The following MECOM variants were observed in gnomAD, a reference collection of about 807,000 sequenced individuals.
MECOM encodes MDS1 and EVI1 complex locus, also known as histone-lysine N-methyltransferase MECOM.
In MECOM, 13 loss-of-function variants were observed where a neutral mutation model predicts 116.3. That is an observed-to-expected ratio of 0.11 (90% CI 0.07 to 0.18). The LOEUF (loss-of-function observed/expected upper bound fraction) is 0.18. Among genes scored for constraint, MECOM ranks in the 10% least tolerant of loss-of-function variants. The pLI, the probability that MECOM is intolerant of heterozygous loss-of-function variation, is 1.00. For synonymous variants in MECOM, 528 were observed against 535.2 expected (o/e 0.99, Z 0.19); for missense variants, 1,299 against 1,509.0 (o/e 0.86, Z 2.31).
At chr3:169,263,361 C>G (rs1205563091) in intron 2 of MECOM, among the ~76,000 whole-genome samples, 1 of 151,494 alleles carries the variant, frequency 6.6e-6, no homozygotes, top group Non-Finnish European at 1.5e-5. Flanking sequence ...ATCTCCTGAC[C>G]TCATGATCTG....
chr3:169,487,128 C>G (rs1752476906), intron 1 of MECOM, among the ~76,000 whole-genome samples: 1 of 151,094 alleles, frequency 6.6e-6, no homozygotes, highest in Non-Finnish European at 1.5e-5. Flanking sequence ...TATTTTCAGA[C>G]AGACAAAGGT....
At chr3:169,194,351 T>C (rs1748126967) in intron 2 of MECOM, among the ~76,000 whole-genome samples, 1 of 151,916 alleles carries the variant, frequency 6.6e-6, no homozygotes, top group Non-Finnish European at 1.5e-5. Context: ...CATTAGGAGA[T>C]ATACCTAATG....
intron 2 of MECOM, among the ~76,000 whole-genome samples, chr3:169,199,653 A>G (rs1437297378): frequency 6.6e-6 from 1 of 152,070 alleles, no homozygotes; most frequent in African/African-American, 2.4e-5. Flanking sequence ...GAGTTACGTT[A>G]CACATGCACA....
At chr3:169,314,884 T>C (rs944087533) in intron 2 of MECOM, among the ~76,000 whole-genome samples, 4 of 152,200 alleles carry the variant, frequency 2.6e-5, no homozygotes, top group African/African-American at 9.7e-5. Context: ...TTTATAGTTA[T>C]CCCTTATTCT....
intron 2 of MECOM, among the ~76,000 whole-genome samples, chr3:169,246,527 CTTTT>C (rs11454849): frequency 7.6e-6 from 1 of 131,326 alleles, no homozygotes. Context: ...TACACATACA[CTTTT>C]TTTTTTTTTT....
intron 2 of MECOM, among the ~76,000 whole-genome samples, chr3:169,287,235 G>T (rs1480377219): frequency 1.3e-5 from 2 of 152,178 alleles, no homozygotes; most frequent in African/African-American, 2.4e-5. Context: ...GATGGAGAGG[G>T]CCTGAAAGAA....
At chr3:169,102,927 G>A (rs1454728673) in intron 10 of MECOM, among the ~76,000 whole-genome samples, 1 of 151,804 alleles carries the variant, frequency 6.6e-6, no homozygotes, top group Non-Finnish European at 1.5e-5. Context: ...CTTGGCATGT[G>A]CCTTGTAAGA....
At chr3:169,190,073 A>G (rs113588354) in intron 2 of MECOM, among the ~76,000 whole-genome samples, 2,236 of 152,176 alleles carry the variant, frequency 0.015, 64 homozygotes, top group African/African-American at 0.051. Flanking sequence ...AAATCATAAA[A>G]GAGATAAATA....
chr3:169,320,737 C>A (rs1453381572), intron 2 of MECOM, among the ~76,000 whole-genome samples: 2 of 152,108 alleles, frequency 1.3e-5, no homozygotes, highest in Non-Finnish European at 2.9e-5. Flanking sequence ...TATTTTCTTT[C>A]TTTTTTATTG....
intron 1 of MECOM, chr3:169,565,822 CA>C (rs1362751634): frequency 8.6e-6 from 3 of 347,052 alleles, no homozygotes. Context: ...TGTTCTCCAA[CA>C]GGGGCATATG....
intron 1 of MECOM, among the ~76,000 whole-genome samples, chr3:169,634,750 C>T (rs950172480): frequency 1.3e-5 from 2 of 151,980 alleles, no homozygotes; most frequent in Non-Finnish European, 2.9e-5. Context: ...AGCACTTAAA[C>T]TTAAATTACT....
chr3:169,490,154 G>A (rs1243297751), intron 1 of MECOM, among the ~76,000 whole-genome samples: 2 of 152,196 alleles, frequency 1.3e-5, no homozygotes, highest in Admixed American at 6.5e-5. Context: ...ATGCGCTTTA[G>A]AGTTTCAAAA....
chr3:169,147,739 C>G, intron 2 of MECOM: 1 of 977,286 alleles, frequency 1.0e-6, no homozygotes, highest in Non-Finnish European at 1.2e-6. Flanking sequence ...TGTGTGCGCG[C>G]GAGTGTGTGT....
chr3:169,472,580 G>GAGGAA (rs779270656), intron 1 of MECOM, among the ~76,000 whole-genome samples: 994 of 59,044 alleles, frequency 0.017, 79 homozygotes, highest in East Asian at 0.085. Context: ...GAGGAGAGGA[G>GAGGAA]AGGAAAGGAA....
chr3:169,633,999 G>A (rs1772418997), intron 1 of MECOM, among the ~76,000 whole-genome samples: 2 of 151,876 alleles, frequency 1.3e-5, no homozygotes. Flanking sequence ...CAGCCCTGCT[G>A]TTAGAGAACT....
chr3:169,334,331 T>C (rs1183549105), intron 2 of MECOM, among the ~76,000 whole-genome samples: 2 of 152,292 alleles, frequency 1.3e-5, no homozygotes, highest in Non-Finnish European at 1.5e-5. Flanking sequence ...TGGGTTCAAA[T>C]TAACACATAT....
chr3:169,562,611 A>G (rs1305226378), intron 1 of MECOM, among the ~76,000 whole-genome samples: 4 of 152,174 alleles, frequency 2.6e-5, no homozygotes, highest in Admixed American at 2.0e-4. Context: ...GCCTCCTGGA[A>G]GATATTGAGT....
chr3:169,473,489 G>A (rs1041995896), intron 1 of MECOM, among the ~76,000 whole-genome samples: 4 of 152,150 alleles, frequency 2.6e-5, no homozygotes, highest in African/African-American at 7.2e-5. Flanking sequence ...CACCAGATAC[G>A]GCAGGGCGTG....
intron 10 of MECOM, among the ~76,000 whole-genome samples, chr3:169,105,264 G>A (rs145524968): frequency 6.6e-6 from 1 of 152,262 alleles, no homozygotes; most frequent in East Asian, 1.9e-4. Flanking sequence ...ACATCTGCTA[G>A]TTGGGGTAAC....
Sources: gnomAD v4.1 joint callset for allele counts (sites outside exome capture counted in the v4.1 genomes callset) on GRCh38, gnomAD v4.1.1 for gene constraint, MANE v1.5 for transcripts, NCBI Gene and HGNC (gene_info 2026-07-23, HGNC 2026-07-21) for gene names.